RFPL1: variants seen among roughly 807,000 people sequenced by gnomAD.
RFPL1 encodes the protein ret finger protein-like 1.
Under a neutral mutation model 9.6 loss-of-function variants are expected in RFPL1, and 6 were observed. The ratio of observed to expected loss-of-function variants is 0.62; its 90% CI spans 0.34 to 1.23. RFPL1 has a LOEUF of 1.23. Ranked by LOEUF, RFPL1 falls within the 50% of genes most tolerant of loss-of-function variation. The pLI is 0.03. For missense variants in RFPL1, 352 were observed against 398.4 expected, an observed-to-expected ratio of 0.88 and a Z score of 0.99; for synonymous variants, 145 against 149.4, an observed-to-expected ratio of 0.97 and a Z score of 0.22.
At chr22:29,399,638 T>C in the RFPL1 span, among the ~76,000 whole-genome samples, 5 of 152,224 alleles carry the variant, frequency 3.3e-5, no homozygotes, top group African/African-American at 1.2e-4. Flanking sequence ...ACTTAAATCT[T>C]TTCAACTAAA....
At chr22:29,433,299 A>G in the RFPL1 span, 39 of 152,138 alleles carry the variant, frequency 2.6e-4, no homozygotes, top group African/African-American at 8.7e-4. Context: ...TCAAAAAAAA[A>G]AAAAAGGAAA....
At chr22:29,439,352 G>T in intron 1 of RFPL1, 188 bp downstream of exon 1, 1 of 925,242 alleles carries the variant, frequency 1.1e-6, no homozygotes. Flanking sequence ...AAAAAAGGCT[G>T]GCTGGGCATG....
At chr22:29,394,295 A>C in the RFPL1 span, among the ~76,000 whole-genome samples, 1 of 152,166 alleles carries the variant, frequency 6.6e-6, no homozygotes, top group African/African-American at 2.4e-5. Context: ...CTGGGATTAC[A>C]GGCCTGTGCC....
the RFPL1 span, among the ~76,000 whole-genome samples, chr22:29,412,471 C>T: frequency 6.6e-6 from 1 of 151,960 alleles, no homozygotes; most frequent in South Asian, 2.1e-4. Context: ...GGGGACTGAC[C>T]CTAGGGTCCA....
At chr22:29,415,667 C>G in the RFPL1 span, among the ~76,000 whole-genome samples, 1 of 152,240 alleles carries the variant, frequency 6.6e-6, no homozygotes, top group East Asian at 1.9e-4. Flanking sequence ...CTTTATTCGG[C>G]CGGGAAATCG....
At chr22:29,389,906 C>T in the RFPL1 span, among the ~76,000 whole-genome samples, 1 of 151,820 alleles carries the variant, frequency 6.6e-6, no homozygotes, top group African/African-American at 2.4e-5. Flanking sequence ...TCAAGCGATT[C>T]TCCTGCCTGG....
In RFPL1 at chr22:29,439,636, A is replaced by G. The variant is rs191323199; in HGVS notation, c.373+472A>G. 7.0e-3 allele frequency: 1,110 copies of G among 159,120 alleles called. 23 individuals carry two copies. Among genetic ancestry groups the G allele is most frequent in the Middle Eastern group, 0.049 (15 of 306 alleles). The allele number at this position is 159,120 out of a possible 1,614,324, so 9.9% of individuals were successfully genotyped here. A position where few individuals can be genotyped will look rare whatever the true frequency, so the allele number is the denominator to read the frequency against. On this transcript the variant is annotated intron_variant, in intron 1 of 1. Coordinates refer to ENST00000354373, the Ensembl canonical transcript of RFPL1. ...GTGACAGAGTGAGACTCCGTCTCAA[A>G]AAAAAAAACCTGATGTCTATGTCAT...
At chr22:29,422,330 G>A in the RFPL1 span, among the ~76,000 whole-genome samples, 2 of 152,146 alleles carry the variant, frequency 1.3e-5, no homozygotes, top group Non-Finnish European at 2.9e-5. Context: ...TGTAATCCTA[G>A]CACTTTGGGA....
exon 2 of RFPL1, chr22:29,441,573 C>A (rs1420249092): frequency 1.3e-6 from 2 of 1,592,402 alleles, no homozygotes; most frequent in Middle Eastern, 1.7e-4. Context: ...ACACAGCCAA[C>A]AACTTCCTCC....
the RFPL1 span, among the ~76,000 whole-genome samples, chr22:29,401,801 A>G: frequency 6.6e-6 from 1 of 152,334 alleles, no homozygotes; most frequent in Admixed American, 6.5e-5. Flanking sequence ...TCTCGTTTCC[A>G]GAATAAAATT....
At chr22:29,410,228 T>G in the RFPL1 span, among the ~76,000 whole-genome samples, 59 of 137,636 alleles carry the variant, frequency 4.3e-4, no homozygotes, top group African/African-American at 1.4e-3. Context: ...TATATATATA[T>G]AGATATATAT....
At chr22:29,417,900 AG>A in the RFPL1 span, among the ~76,000 whole-genome samples, 1 of 147,994 alleles carries the variant, frequency 6.8e-6, no homozygotes, top group Non-Finnish European at 1.5e-5. Context: ...TGGGGTGATG[AG>A]GGAAGGCAGG....
chr22:29,397,359 C>T, the RFPL1 span, among the ~76,000 whole-genome samples: 5 of 152,146 alleles, frequency 3.3e-5, no homozygotes, highest in African/African-American at 1.2e-4. Flanking sequence ...ACTGGTTCAG[C>T]TCTAAGGCAG....
chr22:29,389,082 T>C, the RFPL1 span, among the ~76,000 whole-genome samples: 1 of 151,836 alleles, frequency 6.6e-6, no homozygotes. Context: ...GTAGAGAGAG[T>C]CTCACTTTAT....
chr22:29,395,116 A>G, the RFPL1 span, among the ~76,000 whole-genome samples: 2 of 152,068 alleles, frequency 1.3e-5, no homozygotes, highest in Admixed American at 1.3e-4. Context: ...ACATGAACAA[A>G]TTAAGTATTC....
At chr22:29,422,673 G>A in the RFPL1 span, among the ~76,000 whole-genome samples, 3 of 152,058 alleles carry the variant, frequency 2.0e-5, no homozygotes, top group Non-Finnish European at 4.4e-5. Flanking sequence ...AACCTGGGAG[G>A]CAGAGGTTGC....
chr22:29,399,356 T>C, the RFPL1 span, among the ~76,000 whole-genome samples: 1 of 152,224 alleles, frequency 6.6e-6, no homozygotes, highest in East Asian at 1.9e-4. Context: ...TTCTTGGTCA[T>C]GGATACGTAT....
chr22:29,412,014 T>G, the RFPL1 span, among the ~76,000 whole-genome samples: 8 of 152,246 alleles, frequency 5.3e-5, no homozygotes, highest in Admixed American at 2.6e-4. Context: ...GAGAGTATGG[T>G]GTGAACATCA....
the RFPL1 span, among the ~76,000 whole-genome samples, chr22:29,401,096 C>T: frequency 6.6e-6 from 1 of 152,218 alleles, no homozygotes; most frequent in African/African-American, 2.4e-5. Context: ...TTATTAGACA[C>T]AGCCTTTTAA....
Sources: allele counts gnomAD v4.1 joint callset (sites outside exome capture counted in the v4.1 genomes callset), GRCh38; gene constraint gnomAD v4.1.1; transcripts MANE v1.5; gene names NCBI Gene and HGNC (gene_info 2026-07-23, HGNC 2026-07-21).